SHQ1: variants seen among roughly 807,000 people sequenced by gnomAD.
SHQ1 encodes protein SHQ1 homolog.
Under a neutral mutation model 53.8 loss-of-function variants are expected in SHQ1, and 49 were observed. The ratio of observed to expected loss-of-function variants is 0.91; its 90% CI spans 0.72 to 1.16. The LOEUF (loss-of-function observed/expected upper bound fraction) is 1.16, where lower values mean the gene tolerates loss of function less well. Among genes scored for constraint, SHQ1 ranks in the 50% most tolerant of loss-of-function variants. The probability of loss-of-function intolerance (pLI) is 0.00; values close to 1 mark genes in which losing one functional copy is unlikely to be tolerated. For synonymous variants in SHQ1, 243 were observed against 251.0 expected (o/e 0.97, Z 0.30); for missense variants, 738 against 683.1 (o/e 1.08, Z -0.90).
intron 5 of SHQ1, among the ~76,000 whole-genome samples, chr3:72,831,991 T>C (rs184813687): frequency 2.5e-4 from 38 of 152,344 alleles, no homozygotes; most frequent in Admixed American, 2.4e-3. Context: ...TACAGGTACA[T>C]TTAAATTCTT....
intron 9 of SHQ1, chr3:72,794,734 C>G (rs774120235): frequency 6.6e-6 from 1 of 152,218 alleles, no homozygotes; most frequent in Non-Finnish European, 1.5e-5. Context: ...GTTTCCATGC[C>G]TTTTTCCCTT....
At chr3:72,829,094 T>C (rs187272794) in intron 5 of SHQ1, among the ~76,000 whole-genome samples, 32 of 150,706 alleles carry the variant, frequency 2.1e-4, no homozygotes, top group South Asian at 6.3e-4. Flanking sequence ...TCAGGATTGA[T>C]TGAATGTGTG....
intron 4 of SHQ1, among the ~76,000 whole-genome samples, chr3:72,835,366 CT>C: frequency 6.6e-6 from 1 of 152,242 alleles, no homozygotes; most frequent in Admixed American, 6.5e-5. Context: ...CTCTGTCTCC[CT>C]CTTCCACTGC....
intron 1 of SHQ1, among the ~76,000 whole-genome samples, chr3:72,845,310 C>T (rs1708296468): frequency 6.6e-6 from 1 of 151,864 alleles, no homozygotes; most frequent in African/African-American, 2.4e-5. Flanking sequence ...ATGGAGAAAC[C>T]CTATATCTAC....
chr3:72,818,803 C>A (rs1284502628), intron 6 of SHQ1, among the ~76,000 whole-genome samples: 2 of 152,124 alleles, frequency 1.3e-5, no homozygotes, highest in Non-Finnish European at 2.9e-5. Flanking sequence ...AGTGAGAGAG[C>A]CTGTGAGAAG....
At chr3:72,767,080 G>T (rs1228009264) in intron 10 of SHQ1, among the ~76,000 whole-genome samples, 2 of 152,154 alleles carry the variant, frequency 1.3e-5, no homozygotes, top group African/African-American at 4.8e-5. Flanking sequence ...AGAGACTTTA[G>T]CGGCATAGGT....
chr3:72,755,298 G>GGATA (rs958018087), intron 10 of SHQ1, among the ~76,000 whole-genome samples: 1 of 152,098 alleles, frequency 6.6e-6, no homozygotes, highest in African/African-American at 2.4e-5. Context: ...ATGGATGGAT[G>GGATA]GATAGATGGA....
intron 9 of SHQ1, among the ~76,000 whole-genome samples, chr3:72,798,438 C>T (rs1366600781): frequency 6.6e-6 from 1 of 152,054 alleles, no homozygotes; most frequent in Non-Finnish European, 1.5e-5. Context: ...TGTTTTACTT[C>T]GGGGAAAGAC....
the SHQ1 span, among the ~76,000 whole-genome samples, chr3:72,725,614 C>G: frequency 7.4e-4 from 113 of 152,302 alleles, no homozygotes; most frequent in African/African-American, 2.7e-3. Context: ...TTTACCTATG[C>G]CAGGTGTACA....
chr3:72,848,444 G>A lies in SHQ1; in HGVS notation c.-104C>T. ...CACGCGCAGGAACTCTCGGTGTGAG[G>A]GACGGAGCTTCCGGCTCGAGGCGGA... On this transcript the variant is annotated 5_prime_UTR_variant, in exon 1 of 11. Transcript: ENST00000325599. 10 of 1,514,666 alleles carry A rather than the reference G, an allele frequency of 6.6e-6. No homozygotes were observed. Among genetic ancestry groups the A allele is most frequent in the South Asian group, 1.2e-5 (1 of 80,394 alleles). The allele number at this position is 1,514,666 out of a possible 1,614,324, so 93.8% of individuals were successfully genotyped here. A position where few individuals can be genotyped will look rare whatever the true frequency, so the allele number is the denominator to read the frequency against.
intron 9 of SHQ1, chr3:72,794,534 T>A (rs1706543312): frequency 6.6e-6 from 1 of 152,242 alleles, no homozygotes; most frequent in Admixed American, 6.5e-5. Context: ...GCTCCTTGTA[T>A]CTGCCCTTTC....
intron 9 of SHQ1, among the ~76,000 whole-genome samples, chr3:72,808,490 G>A (rs1707021580): frequency 6.6e-6 from 1 of 152,070 alleles, no homozygotes; most frequent in African/African-American, 2.4e-5. Flanking sequence ...CTGGGCCACT[G>A]ACTTCACTTC....
At chr3:72,738,839 C>A in the SHQ1 span, among the ~76,000 whole-genome samples, 6 of 152,234 alleles carry the variant, frequency 3.9e-5, no homozygotes, top group Admixed American at 6.5e-5. Context: ...CTCCTCCAGG[C>A]ACCTGCCCTG....
intron 10 of SHQ1, among the ~76,000 whole-genome samples, chr3:72,757,405 A>G (rs915627134): frequency 2.8e-5 from 4 of 141,416 alleles, no homozygotes; most frequent in Non-Finnish European, 6.1e-5. Flanking sequence ...TTTTTGAAAG[A>G]TGGGGTCTCA....
downstream of SHQ1, among the ~76,000 whole-genome samples, chr3:72,745,823 G>A (rs914570868): frequency 2.6e-5 from 4 of 151,102 alleles, no homozygotes; most frequent in Non-Finnish European, 5.9e-5. Flanking sequence ...CCCTGAACGC[G>A]CCTGATCTCA....
the SHQ1 span, among the ~76,000 whole-genome samples, chr3:72,739,256 G>A: frequency 6.6e-6 from 1 of 152,120 alleles, no homozygotes; most frequent in Non-Finnish European, 1.5e-5. Context: ...ACGTGGCAAC[G>A]CCCCTCCCGC....
the SHQ1 span, among the ~76,000 whole-genome samples, chr3:72,727,475 G>A: frequency 2.6e-5 from 4 of 152,198 alleles, no homozygotes; most frequent in African/African-American, 9.6e-5. Flanking sequence ...AGGGGAGGAA[G>A]AGAAAGAGGC....
At chr3:72,835,959 T>G (rs1210319181) in intron 4 of SHQ1, among the ~76,000 whole-genome samples, 1 of 152,254 alleles carries the variant, frequency 6.6e-6, no homozygotes, top group Non-Finnish European at 1.5e-5. Context: ...ACATAATTAC[T>G]GTCCATCTCC....
At chr3:72,747,876 G>A (rs1705282879), downstream of SHQ1, among the ~76,000 whole-genome samples, 1 of 151,966 alleles carries the variant, frequency 6.6e-6, no homozygotes, top group Non-Finnish European at 1.5e-5. Context: ...GTAATCCCAG[G>A]TGTTCGGGAG....
Sources: gnomAD v4.1 joint callset for allele counts (sites outside exome capture counted in the v4.1 genomes callset) on GRCh38, gnomAD v4.1.1 for gene constraint, MANE v1.5 for transcripts, NCBI Gene and HGNC (gene_info 2026-07-23, HGNC 2026-07-21) for gene names.